The following KATNIP variants were observed in gnomAD, a reference collection of about 807,000 sequenced individuals.
KATNIP encodes katanin-interacting protein.
KATNIP carries 126 observed loss-of-function variants against 174.0 expected under a neutral mutation model. That is an observed-to-expected ratio of 0.72 (90% confidence interval 0.63 to 0.84). The LOEUF (loss-of-function observed/expected upper bound fraction) is 0.84, where lower values mean the gene tolerates loss of function less well. Among genes scored for constraint, KATNIP ranks in the 40% least tolerant of loss-of-function variants. The pLI, the probability that KATNIP is intolerant of heterozygous loss-of-function variation, is 0.00. For missense variants in KATNIP, 1,958 were observed against 2,109.7 expected (o/e 0.93, Z 1.41); for synonymous variants, 810 against 835.7 (o/e 0.97, Z 0.53).
At chr16:27,724,994 C>T (rs538745051) in intron 14 of KATNIP, among the ~76,000 whole-genome samples, 82 of 152,248 alleles carry the variant, frequency 5.4e-4, no homozygotes, top group African/African-American at 1.9e-3. Context: ...CTCCTTTCCC[C>T]CTAACTTGGT....
chr16:27,710,728 G>A (rs1294654337), intron 13 of KATNIP, among the ~76,000 whole-genome samples: 1 of 152,106 alleles, frequency 6.6e-6, no homozygotes, highest in Non-Finnish European at 1.5e-5. Flanking sequence ...GGTTTCTCTG[G>A]CCTCAAGTGA....
At position 27,771,437 on chromosome 16, in the gene KATNIP, A is replaced by G. The variant is rs543106183; in HGVS notation, c.4134-151A>G. On this transcript the variant is annotated intron_variant, in intron 21 of 27. Transcript: ENST00000261588. Reference sequence around the variant, plus strand: ...CTGTCATCTAGAGCGGGAACTCCACACGAGCAGGGGCCTCATCTCTCTTTT... The same window carrying G: ...CTGTCATCTAGAGCGGGAACTCCACGCGAGCAGGGGCCTCATCTCTCTTTT... 3.3e-4 allele frequency: 213 copies of G among 653,942 alleles called. 2 individuals are homozygous for G. In the African/African-American group the frequency reaches 3.8e-3, roughly 12 times the overall value. The allele number at this position is 653,942 out of a possible 1,614,324, so 40.5% of individuals were successfully genotyped here.
intron 5 of KATNIP, among the ~76,000 whole-genome samples, chr16:27,639,704 T>C (rs1263247818): frequency 6.6e-6 from 1 of 152,132 alleles, no homozygotes; most frequent in African/African-American, 2.4e-5. Flanking sequence ...CAAGTAAAAA[T>C]GGGAAGTGTT....
At chr16:27,699,635 C>T (rs778286171) in intron 10 of KATNIP, 36 bp downstream of exon 10, 13 of 1,613,284 alleles carry the variant, frequency 8.1e-6, no homozygotes, top group South Asian at 1.1e-5. Flanking sequence ...CAAAGCCCCA[C>T]GCATGTGCGT....
chr16:27,654,719 A>C (rs1479455686), intron 6 of KATNIP: 1 of 1,351,970 alleles, frequency 7.4e-7, no homozygotes, highest in Admixed American at 1.9e-5. Flanking sequence ...GATCCTCTTA[A>C]CTATTCAGGA....
chr16:27,564,209 G>T (rs1266517742), intron 1 of KATNIP, among the ~76,000 whole-genome samples: 1 of 152,194 alleles, frequency 6.6e-6, no homozygotes, highest in African/African-American at 2.4e-5. Context: ...AGCAGTTTAT[G>T]GGAACTAATA....
intron 6 of KATNIP, among the ~76,000 whole-genome samples, chr16:27,662,065 TATATATACACAC>T (rs2077539062): frequency 9.4e-5 from 9 of 95,860 alleles, no homozygotes; most frequent in Admixed American, 1.2e-4. Flanking sequence ...TATATATATA[TATATATACACAC>T]ATATATATAT....
chr16:27,688,998 C>T (rs1597176019), intron 8 of KATNIP, among the ~76,000 whole-genome samples: 1 of 152,174 alleles, frequency 6.6e-6, no homozygotes, highest in East Asian at 1.9e-4. Flanking sequence ...GGAGTGGGGT[C>T]ATAGCCACCC....
intron 17 of KATNIP, among the ~76,000 whole-genome samples, chr16:27,752,843 C>A (rs1050578611): frequency 6.6e-6 from 1 of 152,072 alleles, no homozygotes; most frequent in African/African-American, 2.4e-5. Context: ...CAAGAGCCGC[C>A]ACACTTAGCC....
intron 15 of KATNIP, among the ~76,000 whole-genome samples, chr16:27,742,415 C>G (rs1017250307): frequency 6.6e-6 from 1 of 152,284 alleles, no homozygotes; most frequent in Non-Finnish European, 1.5e-5. Context: ...GAGTAGTAGT[C>G]GTTATTTCAC....
chr16:27,620,622 A>G (rs889098379), intron 3 of KATNIP, among the ~76,000 whole-genome samples: 1 of 152,166 alleles, frequency 6.6e-6, no homozygotes, highest in African/African-American at 2.4e-5. Flanking sequence ...AAGAACTGCA[A>G]TTTACTTGGA....
intron 14 of KATNIP, among the ~76,000 whole-genome samples, chr16:27,738,447 G>A (rs566543472): frequency 1.3e-5 from 2 of 152,136 alleles, no homozygotes; most frequent in South Asian, 2.1e-4. Flanking sequence ...TCTATTCCCC[G>A]ATAAAGCTGG....
intron 8 of KATNIP, among the ~76,000 whole-genome samples, chr16:27,692,980 T>C (rs1441787949): frequency 1.3e-5 from 2 of 152,184 alleles, no homozygotes; most frequent in Non-Finnish European, 2.9e-5. Flanking sequence ...TGGCTTCAGC[T>C]CCAGTATAGC....
chr16:27,778,201 T>A (rs1002380743), intron 27 of KATNIP, among the ~76,000 whole-genome samples: 2 of 152,176 alleles, frequency 1.3e-5, no homozygotes, highest in Non-Finnish European at 2.9e-5. Flanking sequence ...TTCCTGAATC[T>A]AAGTGTCGTG....
At chr16:27,607,745 G>A (rs1320430469) in intron 2 of KATNIP, among the ~76,000 whole-genome samples, 2 of 152,018 alleles carry the variant, frequency 1.3e-5, no homozygotes, top group African/African-American at 4.8e-5. Flanking sequence ...TTACAGTCCT[G>A]CATGGCGCTA....
intron 12 of KATNIP, 84 bp from the exon 13 acceptor site, chr16:27,708,621 T>C (rs1033782266): frequency 1.8e-6 from 2 of 1,083,968 alleles, no homozygotes; most frequent in South Asian, 3.0e-5. Context: ...TAACTAACTT[T>C]TTGAAGGCAG....
intron 14 of KATNIP, chr16:27,727,944 A>G (rs2048259773): frequency 6.6e-6 from 1 of 152,092 alleles, no homozygotes; most frequent in Non-Finnish European, 1.5e-5. Flanking sequence ...ATTAATTATC[A>G]TGCTCTGATA....
At chr16:27,657,419 T>A (rs1276125486) in intron 6 of KATNIP, among the ~76,000 whole-genome samples, 1 of 151,926 alleles carries the variant, frequency 6.6e-6, no homozygotes, top group East Asian at 1.9e-4. Context: ...GAACTAAGCA[T>A]CACCAAAAGA....
In KATNIP at chr16:27,618,483, T is replaced by C; in HGVS notation, c.122T>C (p.Leu41Ser). The change falls in exon 3 of 28, where the codon TTG becomes TCG. Residue 41 changes from leucine to serine, a missense_variant. Transcript: ENST00000261588. ...GAGAAACATGATGAGTATTTAATAT[T>C]GCTTCAGCAGAGGAACCGGTAAGAG... ...FDEKHDEYLI[L>S]LQQRNRILKH... is the part of the protein sequence containing the mutation. The C allele has an allele frequency of 1.2e-6, 2 of 1,612,860 alleles. No individual in the cohort carries two copies. Among genetic ancestry groups the C allele is most frequent in the Non-Finnish European group, 1.7e-6 (2 of 1,178,836 alleles).
Sources: allele counts gnomAD v4.1 joint callset (sites outside exome capture counted in the v4.1 genomes callset), GRCh38; gene constraint gnomAD v4.1.1; transcripts MANE v1.5; gene names NCBI Gene and HGNC (gene_info 2026-07-23, HGNC 2026-07-21).